Variants in ZNF862 observed in about 807,000 individuals in gnomAD.
ZNF862 encodes the protein zinc finger protein 862.
In ZNF862, 64 loss-of-function variants were observed where a neutral mutation model predicts 91.1. The ratio of observed to expected loss-of-function variants is 0.70; its 90% CI spans 0.57 to 0.87. The LOEUF (loss-of-function observed/expected upper bound fraction) is 0.87, where lower values mean the gene tolerates loss of function less well. ZNF862 is among the 40% of genes least tolerant of loss of function. The probability of loss-of-function intolerance (pLI) is 0.00; values close to 1 mark genes in which losing one functional copy is unlikely to be tolerated. For synonymous variants in ZNF862, 631 were observed against 618.1 expected (o/e 1.02, Z -0.31); for missense variants, 1,459 against 1,528.0 (o/e 0.95, Z 0.75).
rs374194262 is a variant in ZNF862, at chr7:149,862,466, T to G, written c.3306T>G (p.Cys1102Trp). Residue 1102 changes from cysteine (C) to tryptophan (W), a missense_variant, in exon 7 of 8, where the codon TGT (cysteine) becomes TGG (tryptophan). Coordinates refer to ENST00000223210, the MANE Select transcript of ZNF862 (RefSeq NM_001099220.3). ...GGCGTTTCAGCCATGTCTACACCTG[T>G]GCCCAGGTGCCAGCCCGCTCCCCTG... is the stretch of plus-strand genomic sequence containing the variant. The part of the protein sequence containing the change: ...SGRRFSHVYT[C>W]AQVPARSPAS... The G allele has an allele frequency of 4.7e-5, 76 of 1,601,048 alleles. No individual in the cohort carries two copies. The highest frequency in any genetic ancestry group is 1.7e-4 in the Middle Eastern group (1 of 6,040).
chr7:149,842,968 T>G (rs1227449204), intron 1 of ZNF862, among the ~76,000 whole-genome samples: 1 of 152,232 alleles, frequency 6.6e-6, no homozygotes, highest in East Asian at 1.9e-4. Flanking sequence ...ATGTACACAT[T>G]TGGCAGTACA....
At position 149,848,247 on chromosome 7, in the gene ZNF862, G is replaced by C. The variant is rs867028651; in HGVS notation, c.754G>C (p.Asp252His). ...FYPPGPLGGF[D>H]SMAELLPSSR... is the part of the protein sequence containing the mutation. ...CCCCCCAGGGCCTCTGGGAGGATTT[G>C]ATAGCATGGCTGAGCTCCTGCCAAG... The change falls in exon 4 of 8, where the codon GAT (aspartate) becomes CAT (histidine). Residue 252 changes from aspartate (D) to histidine (H), a missense_variant. Coordinates refer to ENST00000223210, the MANE Select transcript of ZNF862 (RefSeq NM_001099220.3). 1.9e-6 allele frequency: 3 copies of C among 1,613,404 alleles called. No homozygotes were observed. The Middle Eastern group carries it at 4.9e-4, about 266-fold the overall frequency.
rs1309455463 is a variant in ZNF862 at position 149,866,292 on chromosome 7, T to C, written c.*2008T>C. 2 of 152,166 alleles carry C rather than the reference T, an allele frequency of 1.3e-5. No individual in the cohort carries two copies. Among genetic ancestry groups the C allele is most frequent in the Non-Finnish European group, 2.9e-5 (2 of 68,052 alleles). The allele number at this position is 152,166 out of a possible 1,614,324, so 9.4% of individuals were successfully genotyped here. A position where few individuals can be genotyped will look rare whatever the true frequency, so the allele number is the denominator to read the frequency against. On this transcript the variant is annotated 3_prime_UTR_variant, in exon 8 of 8. Coordinates refer to ENST00000223210, the MANE Select transcript of ZNF862 (RefSeq NM_001099220.3). ...TGGCTAAGGCACACACAGGCCTCCT[T>C]CTCCCCATCACCGTCTCCATGGGCG...
In ZNF862 at chr7:149,867,464, A is replaced by G. The variant is rs1242953538; in HGVS notation, c.*3180A>G. 1 of 152,202 alleles carries G rather than the reference A, an allele frequency of 6.6e-6. No homozygotes were observed. The highest frequency in any genetic ancestry group is 1.5e-5 in the Non-Finnish European group (1 of 68,032). 9.4% of individuals were successfully genotyped at this position (152,202 alleles called of 1,614,324 possible). A position where few individuals can be genotyped will look rare whatever the true frequency, so the allele number is the denominator to read the frequency against. On this transcript the variant is annotated 3_prime_UTR_variant, in exon 8 of 8. Transcript: ENST00000223210. Reference sequence around the variant, plus strand: ...ACCTTTTGCTACCTGAATAAAGCAGAGTCTATTTCAACACATCTCTGTCTT... The same window carrying G: ...ACCTTTTGCTACCTGAATAAAGCAGGGTCTATTTCAACACATCTCTGTCTT...
rs1801810092 is a variant in ZNF862 at position 149,844,609 on chromosome 7, G to T, written c.25-16G>T. On this transcript the variant is annotated splice_polypyrimidine_tract_variant and intron_variant, in intron 1 of 7. Coordinates refer to ENST00000223210, the MANE Select transcript of ZNF862 (RefSeq NM_001099220.3). ...AGGAAGAGAGTGGTACTTAGCAGCTGTCATTTTCCTTTCAGGCTCCTGTGA... is the reference window on the plus strand; with the variant it reads ...AGGAAGAGAGTGGTACTTAGCAGCTTTCATTTTCCTTTCAGGCTCCTGTGA... 6.4e-7 allele frequency: 1 copy of T among 1,558,796 alleles called. No homozygotes were observed. The highest frequency in any genetic ancestry group is 1.4e-5 in the African/African-American group (1 of 73,666).
Position 149,860,917 on chromosome 7 carries a change from G to C in ZNF862, c.1757G>C (p.Gly586Ala). 1 of 1,613,796 alleles carries C rather than the reference G, an allele frequency of 6.2e-7. No homozygotes were observed. Among genetic ancestry groups the C allele is most frequent in the Admixed American group, 1.7e-5 (1 of 60,008 alleles). The change falls in exon 7 of 8, where the codon GGG (glycine) becomes GCG (alanine). Residue 586 changes from glycine (G) to alanine (A), a missense_variant. Coordinates refer to ENST00000223210, the MANE Select transcript of ZNF862 (RefSeq NM_001099220.3). Reference sequence around the variant, plus strand: ...ATCCTGCAGCTCCTCCAAAGCACGGGGACCGTGATATTAGGCAAGTACCGC... The same window carrying C: ...ATCCTGCAGCTCCTCCAAAGCACGGCGACCGTGATATTAGGCAAGTACCGC... ...EKILQLLQST[G>A]TVILGKYRNR...
At position 149,867,025 on chromosome 7, in the gene ZNF862, C is replaced by T. The variant is rs1802755034; in HGVS notation, c.*2741C>T. The stretch of plus-strand genomic sequence containing the variant: ...CTTTGGCTGGAGTCCCAGCGCTTGT[C>T]GCCACCCTCCTCCTTGCCTGTAGTC... On this transcript the variant is annotated 3_prime_UTR_variant, in exon 8 of 8. Transcript: ENST00000223210. 1 of 152,212 alleles carries T rather than the reference C, an allele frequency of 6.6e-6. No homozygotes were observed. Among genetic ancestry groups the T allele is most frequent in the Non-Finnish European group, 1.5e-5 (1 of 68,058 alleles). The allele number at this position is 152,212 out of a possible 1,614,324, so 9.4% of individuals were successfully genotyped here. A position where few individuals can be genotyped will look rare whatever the true frequency, so the allele number is the denominator to read the frequency against.
At chr7:149,849,374 G>A (rs1801985787) in intron 4 of ZNF862, among the ~76,000 whole-genome samples, 1 of 152,212 alleles carries the variant, frequency 6.6e-6, no homozygotes, top group South Asian at 2.1e-4. Flanking sequence ...GGGCACTAAA[G>A]TACTCTAGCG....
Position 149,860,565 on chromosome 7 carries a change from T to C in ZNF862, c.1405T>C (p.Trp469Arg), listed in dbSNP as rs1465268673. 1 of 1,614,046 alleles carries C rather than the reference T, an allele frequency of 6.2e-7. No homozygotes were observed. The highest frequency in any genetic ancestry group is 8.5e-7 in the Non-Finnish European group (1 of 1,179,888). ...TYRPRSIQRS[W>R]FGQFPWLVID... The stretch of plus-strand genomic sequence containing the variant: ...CAGGCCCCGTTCCATTCAGAGGTCA[T>C]GGTTTGGGCAGTTCCCATGGTTAGT... The change falls in exon 7 of 8, where the codon TGG becomes CGG. Residue 469 changes from tryptophan to arginine, a missense_variant. Physicochemically the swap from Trp to Arg is moderately radical, Grantham distance 101 (BLOSUM62 -3). Coordinates refer to ENST00000223210, the MANE Select transcript of ZNF862 (RefSeq NM_001099220.3).
Position 149,865,242 on chromosome 7 carries a change from C to G in ZNF862, c.*958C>G, listed in dbSNP as rs1221591773. The stretch of plus-strand genomic sequence containing the variant: ...TGGACTTAGCTGCCATCTGCCCCAT[C>G]CTCGTCCTTAGTGGGACAGGTAGGA... On this transcript the variant is annotated 3_prime_UTR_variant, in exon 8 of 8. Coordinates refer to ENST00000223210, the MANE Select transcript of ZNF862 (RefSeq NM_001099220.3). 1.3e-5 allele frequency: 2 copies of G among 152,262 alleles called. No individual in the cohort carries two copies. Among genetic ancestry groups the G allele is most frequent in the African/African-American group, 4.8e-5 (2 of 41,436 alleles). 9.4% of individuals were successfully genotyped at this position (152,262 alleles called of 1,614,324 possible).
At chr7:149,851,864 C>T (rs886170020) in intron 5 of ZNF862, 9 of 152,098 alleles carry the variant, frequency 5.9e-5, no homozygotes, top group African/African-American at 1.4e-4. Flanking sequence ...TCATTTTCCT[C>T]GAGGGTCAGA....
chr7:149,864,032 C>G, intron 7 of ZNF862, 77 bp from the exon 8 acceptor site: 7 of 1,461,948 alleles, frequency 4.8e-6, no homozygotes, highest in Non-Finnish European at 6.4e-6. Context: ...CCTCACCAAA[C>G]AGCCCCTGGG....
chr7:149,851,490 G>A (rs950969866), intron 5 of ZNF862: 1 of 152,244 alleles, frequency 6.6e-6, no homozygotes, highest in Non-Finnish European at 1.5e-5. Flanking sequence ...GAAGAGCAGT[G>A]AGAGTGAGGG....
intron 1 of ZNF862, among the ~76,000 whole-genome samples, chr7:149,840,420 AGCTAGG>A (rs1801664588): frequency 6.6e-6 from 1 of 152,206 alleles, no homozygotes; most frequent in Non-Finnish European, 1.5e-5. Flanking sequence ...AGTTACAATA[AGCTAGG>A]GTTAATTTAT....
intron 1 of ZNF862, 54 bp downstream of exon 1, chr7:149,838,689 GGGCTCGGGCGAGGCGGGGC>G (rs1425832849): frequency 1.8e-5 from 21 of 1,151,384 alleles, no homozygotes; most frequent in South Asian, 4.4e-5. Flanking sequence ...TCCCCGAGCC[GGGCTCGGGCGAGGCGGGGC>G]GGCTCGGGCG....
chr7:149,847,631 GTGCTTTCCGT>G, intron 3 of ZNF862, 94 bp from the exon 4 acceptor site: 1 of 560,320 alleles, frequency 1.8e-6, no homozygotes, highest in Non-Finnish European at 3.1e-6. Context: ...GTGTGTGTGT[GTGCTTTCCGT>G]CTTTCATATT....
intron 5 of ZNF862, among the ~76,000 whole-genome samples, chr7:149,857,505 T>G (rs75169569): frequency 1.5e-4 from 23 of 152,376 alleles, no homozygotes; most frequent in African/African-American, 4.1e-4. Flanking sequence ...TTTGTTTTGC[T>G]TCCTGCTGTA....
At chr7:149,859,903 G>A (rs550494445) in intron 6 of ZNF862, 16 of 259,996 alleles carry the variant, frequency 6.2e-5, no homozygotes, top group Non-Finnish European at 9.6e-5. Context: ...GTGAGAATTC[G>A]TTGTCTTGCC....
Position 149,850,025 on chromosome 7 carries a change from A to T in ZNF862, c.940-136A>T. ...TTTGATTCTTTGACTTTCAGTGGAT[A>T]AATTAATTCCTCTGAGTGCATCTGG... On this transcript the variant is annotated intron_variant, in intron 4 of 7. Coordinates refer to ENST00000223210, the MANE Select transcript of ZNF862 (RefSeq NM_001099220.3). The surrounding 1 kb of genome is among the most constrained non-coding windows in gnomAD (Gnocchi z 4.2). 1.2e-6 allele frequency: 1 copy of T among 858,270 alleles called. No homozygotes were observed. The allele number at this position is 858,270 out of a possible 1,614,324, so 53.2% of individuals were successfully genotyped here.
Sources: gnomAD v4.1 joint callset for allele counts (sites outside exome capture counted in the v4.1 genomes callset) on GRCh38, gnomAD v4.1.1 for gene constraint, Gnocchi (gnomAD v3.1) non-coding constraint, MANE v1.5 for transcripts, NCBI Gene and HGNC (gene_info 2026-07-23, HGNC 2026-07-21) for gene names.